C1orf87: variants seen among roughly 807,000 people sequenced by gnomAD.
C1orf87 encodes uncharacterized protein C1orf87.
A neutral mutation model predicts 60.5 loss-of-function variants in C1orf87; 58 were observed. That is an observed-to-expected ratio of 0.96 (90% confidence interval 0.78 to 1.19). The LOEUF (loss-of-function observed/expected upper bound fraction) is 1.19, where lower values mean the gene tolerates loss of function less well. Among genes scored for constraint, C1orf87 ranks in the 50% most tolerant of loss-of-function variants. The pLI is 0.00. For missense variants in C1orf87, 673 were observed against 638.6 expected (o/e 1.05, Z -0.58); for synonymous variants, 236 against 227.4 (o/e 1.04, Z -0.34).
intron 7 of C1orf87, 55 bp from the exon 8 acceptor site, chr1:60,025,553 T>TTTC: frequency 7.5e-7 from 1 of 1,331,430 alleles, no homozygotes; most frequent in Non-Finnish European, 1.0e-6. Flanking sequence ...ATACAAAATG[T>TTTC]TTCAATAGAA....
intron 8 of C1orf87, among the ~76,000 whole-genome samples, chr1:60,012,307 A>G (rs1169486241): frequency 6.6e-6 from 1 of 152,094 alleles, no homozygotes; most frequent in Admixed American, 6.6e-5. Context: ...GATATCAGGT[A>G]TGATATGAGA....
intron 8 of C1orf87, among the ~76,000 whole-genome samples, chr1:60,017,653 A>G (rs921954914): frequency 6.6e-6 from 1 of 152,216 alleles, no homozygotes; most frequent in Non-Finnish European, 1.5e-5. Context: ...ACACAGAAAC[A>G]TTAAATGCTA....
chr1:60,059,221 C>G (rs992424484), intron 2 of C1orf87, among the ~76,000 whole-genome samples: 7 of 152,160 alleles, frequency 4.6e-5, no homozygotes, highest in Admixed American at 3.3e-4. Context: ...ACAGTTCTTC[C>G]TCCTAGGCTT....
At chr1:60,010,271 T>C in intron 9 of C1orf87, 121 bp downstream of exon 9, 1 of 907,676 alleles carries the variant, frequency 1.1e-6, no homozygotes, top group South Asian at 1.5e-5. Context: ...GGGAGCTATT[T>C]ACATTTCTGA....
chr1:60,011,193 A>G (rs1341743798), intron 8 of C1orf87, among the ~76,000 whole-genome samples: 1 of 152,104 alleles, frequency 6.6e-6, no homozygotes, highest in Non-Finnish European at 1.5e-5. Context: ...CCAGGTAATC[A>G]TTTAAAGCTT....
intron 3 of C1orf87, among the ~76,000 whole-genome samples, chr1:60,047,568 T>G (rs1645381651): frequency 6.6e-6 from 1 of 152,208 alleles, no homozygotes; most frequent in Non-Finnish European, 1.5e-5. Context: ...GCTTCGGGCC[T>G]AGTCATTGTT....
intron 8 of C1orf87, among the ~76,000 whole-genome samples, chr1:60,012,455 T>C (rs1645093312): frequency 6.6e-6 from 1 of 152,100 alleles, no homozygotes; most frequent in Non-Finnish European, 1.5e-5. Flanking sequence ...ACATGACCAA[T>C]ACAATTTTTA....
Position 60,010,240 on chromosome 1 carries a change from AC to A in C1orf87, c.1192+151del, listed in dbSNP as rs1401431639. On this transcript the variant is annotated intron_variant, in intron 9 of 11. Transcript: ENST00000371201. ...AAGAATAGCCATTAAGGTGATTCTA[AC>A]CCCCATTTTTCCTTCACTGGGGAGC... 3 of 703,224 alleles carry A rather than the reference AC, an allele frequency of 4.3e-6. 1 individual carries two copies. In the South Asian group the frequency reaches 5.5e-5, roughly 13 times the overall value. The allele number at this position is 703,224 out of a possible 1,614,324, so 43.6% of individuals were successfully genotyped here.
intron 9 of C1orf87, 131 bp from the exon 10 acceptor site, chr1:60,001,287 T>G: frequency 1.6e-6 from 1 of 606,906 alleles, no homozygotes; most frequent in Non-Finnish European, 2.6e-6. Context: ...TGGCACTGTG[T>G]TAGGTAATGG....
At chr1:60,014,401 T>G (rs1020202140) in intron 8 of C1orf87, among the ~76,000 whole-genome samples, 1 of 152,204 alleles carries the variant, frequency 6.6e-6, no homozygotes, top group African/African-American at 2.4e-5. Context: ...TGAAGATTTC[T>G]TTTGTACATT....
At chr1:60,051,094 G>C (rs942689999) in intron 3 of C1orf87, among the ~76,000 whole-genome samples, 1 of 152,200 alleles carries the variant, frequency 6.6e-6, no homozygotes, top group African/African-American at 2.4e-5. Context: ...CAAAGGATTT[G>C]AGGTGAAAGG....
At position 59,997,755 on chromosome 1, in the gene C1orf87, T is replaced by C. The variant is rs762125413; in HGVS notation, c.1334A>G (p.Asp445Gly). The change falls in exon 11 of 12, where the codon GAT (aspartate) becomes GGT (glycine). Residue 445 changes from aspartate to glycine, a missense_variant. Transcript: ENST00000371201. ...SSPAETSACK[D>G]PLKPLKIRPV... Reference sequence around the variant, plus strand: ...CCTGATCTTTAAAGGTTTCAGAGGATCTTTGCAGGCTGAAGTTTCAGCAGG... The same window carrying C: ...CCTGATCTTTAAAGGTTTCAGAGGACCTTTGCAGGCTGAAGTTTCAGCAGG... 6.2e-7 allele frequency: 1 copy of C among 1,613,950 alleles called. No individual in the cohort carries two copies. The highest frequency in any genetic ancestry group is 2.2e-5 in the East Asian group (1 of 44,870).
chr1:60,048,306 G>C (rs1222337215), intron 3 of C1orf87, among the ~76,000 whole-genome samples: 2 of 152,130 alleles, frequency 1.3e-5, no homozygotes, highest in East Asian at 3.9e-4. Context: ...CCACATGAGT[G>C]AGCTTGGAAG....
chr1:60,010,723 G>C (rs1022045527), intron 8 of C1orf87: 2 of 273,058 alleles, frequency 7.3e-6, no homozygotes, highest in Non-Finnish European at 1.4e-5. Context: ...TCAGGGAACA[G>C]CAAGAAAATC....
chr1:60,023,049 C>T (rs190019239), intron 8 of C1orf87, among the ~76,000 whole-genome samples: 2 of 152,086 alleles, frequency 1.3e-5, no homozygotes. Flanking sequence ...TAACTGAAGT[C>T]ACAGAAAGTG....
intron 9 of C1orf87, chr1:60,008,967 C>A (rs1645064868): frequency 4.6e-6 from 1 of 215,970 alleles, no homozygotes; most frequent in East Asian, 1.3e-4. Flanking sequence ...TCTATGTTCC[C>A]TTAGCCTTAA....
intron 7 of C1orf87, among the ~76,000 whole-genome samples, chr1:60,027,617 G>A (rs1449726337): frequency 6.6e-6 from 1 of 152,074 alleles, no homozygotes; most frequent in Non-Finnish European, 1.5e-5. Context: ...ACAACAAAAA[G>A]CTCATCTTCG....
intron 2 of C1orf87, among the ~76,000 whole-genome samples, chr1:60,056,577 T>A (rs1645458319): frequency 6.6e-6 from 1 of 152,196 alleles, no homozygotes; most frequent in African/African-American, 2.4e-5. Context: ...AATATATGAT[T>A]GTCTCAACTG....
intron 8 of C1orf87, among the ~76,000 whole-genome samples, chr1:60,021,712 T>C (rs1645164294): frequency 6.6e-6 from 1 of 152,218 alleles, no homozygotes; most frequent in Admixed American, 6.5e-5. Flanking sequence ...TCATCTACTG[T>C]CTGTCAGGGA....
Sources: allele counts gnomAD v4.1 joint callset (sites outside exome capture counted in the v4.1 genomes callset), GRCh38; gene constraint gnomAD v4.1.1; transcripts MANE v1.5; gene names NCBI Gene and HGNC (gene_info 2026-07-23, HGNC 2026-07-21).